Variants in PTCHD4 observed in about 807,000 individuals in gnomAD.
PTCHD4 encodes patched domain-containing protein 4.
A neutral mutation model predicts 58.1 loss-of-function variants in PTCHD4; 33 were observed. The ratio of observed to expected loss-of-function variants is 0.57; its 90% confidence interval spans 0.43 to 0.76. The LOEUF is 0.76. Ranked by LOEUF, PTCHD4 falls within the 30% of genes least tolerant of loss-of-function variation. The pLI, the probability that PTCHD4 is intolerant of heterozygous loss-of-function variation, is 0.00. For missense variants in PTCHD4, 1,058 were observed against 1,027.1 expected (o/e 1.03, Z -0.41); for synonymous variants, 478 against 409.6 (o/e 1.17, Z -2.02).
chr6:48,006,526 G>T (rs954732363), intron 4 of PTCHD4, among the ~76,000 whole-genome samples: 1 of 152,216 alleles, frequency 6.6e-6, no homozygotes, highest in South Asian at 2.1e-4. Flanking sequence ...TGTAAATCAT[G>T]CTGTATGGTT....
intron 4 of PTCHD4, among the ~76,000 whole-genome samples, chr6:47,959,068 C>T (rs1164956458): frequency 1.3e-5 from 2 of 151,954 alleles, no homozygotes; most frequent in African/African-American, 2.4e-5. Flanking sequence ...ATAAAAATTA[C>T]CAATTTTTAA....
intron 4 of PTCHD4, among the ~76,000 whole-genome samples, chr6:47,955,385 A>G (rs997278219): frequency 6.6e-6 from 1 of 152,208 alleles, no homozygotes; most frequent in Non-Finnish European, 1.5e-5. Flanking sequence ...AAGGCTCTCG[A>G]ATTATGAGTC....
At chr6:47,968,389 G>C (rs1421703759) in intron 4 of PTCHD4, among the ~76,000 whole-genome samples, 1 of 152,124 alleles carries the variant, frequency 6.6e-6, no homozygotes, top group Non-Finnish European at 1.5e-5. Context: ...ATAATTAAAA[G>C]TTTTGAAATA....
intron 4 of PTCHD4, among the ~76,000 whole-genome samples, chr6:48,000,688 G>A (rs910625127): frequency 3.3e-5 from 5 of 152,088 alleles, no homozygotes; most frequent in African/African-American, 1.2e-4. Context: ...ATCCCCATAT[G>A]CACTGAGTTA....
At chr6:47,894,651 A>T (rs1764479193) in intron 4 of PTCHD4, among the ~76,000 whole-genome samples, 1 of 152,282 alleles carries the variant, frequency 6.6e-6, no homozygotes, top group South Asian at 2.1e-4. Context: ...TTGGCTATAT[A>T]CTCACAGTAT....
rs570404839 is a variant in PTCHD4 at position 47,867,851 on chromosome 6, T to C, written c.*10452A>G. ...TATGAATAGTTTAGTGGTATTTTCTTCTGAGCCTAGCACAGAGACCAATAT... is the reference window on the plus strand; with the variant it reads ...TATGAATAGTTTAGTGGTATTTTCTCCTGAGCCTAGCACAGAGACCAATAT... On this transcript the variant is annotated 3_prime_UTR_variant, in exon 5 of 5. Transcript: ENST00000339488. 1.3e-5 allele frequency among the ~76,000 whole-genome samples: 2 copies of C among 151,874 alleles called. No individual in the cohort carries two copies. Among genetic ancestry groups the C allele is most frequent in the Admixed American group, 1.3e-4 (2 of 15,218 alleles).
chr6:48,049,588 A>T (rs113237187), intron 3 of PTCHD4, among the ~76,000 whole-genome samples: 34 of 151,970 alleles, frequency 2.2e-4, no homozygotes, highest in African/African-American at 7.7e-4. Context: ...GAATGAGCTC[A>T]AATCTCACTT....
At chr6:48,085,307 C>T (rs563495709) in intron 1 of PTCHD4, among the ~76,000 whole-genome samples, 11 of 152,268 alleles carry the variant, frequency 7.2e-5, no homozygotes, top group African/African-American at 2.4e-4. Context: ...TTATCACTAT[C>T]AGTTATAACA....
chr6:48,060,973 T>C lies in PTCHD4; in HGVS notation c.417+7257A>G, dbSNP rs537750838. On this transcript the variant is annotated intron_variant, in intron 3 of 4. Coordinates refer to ENST00000339488, the MANE Select transcript of PTCHD4 (RefSeq NM_001384253.1). ...CATCTCAATGACAGAAAATGAGACT[T>C]GATTTCAGTGAGAGGCTCTTCCATA... Among the ~76,000 whole-genome samples, 83 of 152,334 alleles carry C rather than the reference T, an allele frequency of 5.4e-4. No homozygotes were observed. The South Asian group carries it at 0.017, about 31-fold the overall frequency.
chr6:47,872,072 C>G lies in PTCHD4; in HGVS notation c.*6231G>C, dbSNP rs1763727299. On this transcript the variant is annotated 3_prime_UTR_variant, in exon 5 of 5. Transcript: ENST00000339488. ...CTCTATCAGTGTTGCTACCAACAACCAGTGAATTCATCAGATAAAATGATA... is the reference window on the plus strand; with the variant it reads ...CTCTATCAGTGTTGCTACCAACAACGAGTGAATTCATCAGATAAAATGATA... 6.6e-6 allele frequency among the ~76,000 whole-genome samples: 1 copy of G among 151,034 alleles called. No individual in the cohort carries two copies.
chr6:47,903,834 G>A (rs1030147547), intron 4 of PTCHD4, among the ~76,000 whole-genome samples: 1 of 152,196 alleles, frequency 6.6e-6, no homozygotes, highest in South Asian at 2.1e-4. Context: ...GCAGAACAGA[G>A]GGGTTAGAAG....
intron 4 of PTCHD4, among the ~76,000 whole-genome samples, chr6:47,976,522 C>T (rs1015315126): frequency 5.9e-5 from 9 of 151,966 alleles, no homozygotes; most frequent in African/African-American, 1.2e-4. Flanking sequence ...GGTGTGGTGG[C>T]GTGCACCTGT....
intron 4 of PTCHD4, among the ~76,000 whole-genome samples, chr6:47,939,291 A>T (rs1030925954): frequency 6.6e-6 from 1 of 152,156 alleles, no homozygotes; most frequent in Admixed American, 6.5e-5. Flanking sequence ...ATTTTAATTC[A>T]GTTGGTCTGG....
chr6:47,944,683 G>T (rs1189015598), intron 4 of PTCHD4, among the ~76,000 whole-genome samples: 2 of 152,044 alleles, frequency 1.3e-5, no homozygotes, highest in African/African-American at 4.8e-5. Context: ...TTATTCTTTA[G>T]GCTGCTGTAA....
chr6:47,991,543 C>A (rs955548348), intron 4 of PTCHD4, among the ~76,000 whole-genome samples: 7 of 152,036 alleles, frequency 4.6e-5, no homozygotes, highest in African/African-American at 1.7e-4. Flanking sequence ...AATTGTTAAA[C>A]AGCGGTAAAT....
chr6:48,039,169 A>C (rs1763753567), intron 3 of PTCHD4, among the ~76,000 whole-genome samples: 1 of 152,164 alleles, frequency 6.6e-6, no homozygotes, highest in Non-Finnish European at 1.5e-5. Flanking sequence ...ACTTTAGAGT[A>C]GATAAATTGT....
In PTCHD4 at chr6:47,872,319, A is replaced by T. The variant is rs974458023; in HGVS notation, c.*5984T>A. Among the ~76,000 whole-genome samples, 1 of 151,718 alleles carries T rather than the reference A, an allele frequency of 6.6e-6. No homozygotes were observed. The highest frequency in any genetic ancestry group is 2.4e-5 in the African/African-American group (1 of 41,392). On this transcript the variant is annotated 3_prime_UTR_variant, in exon 5 of 5. Transcript: ENST00000339488. ...ATTCTTCAATGCAGTCTTCCAAAGC[A>T]TTAGAATTTTTTTCCCCCTCTGGTT...
chr6:48,096,499 C>A (rs564507664), intron 1 of PTCHD4, among the ~76,000 whole-genome samples: 10 of 151,860 alleles, frequency 6.6e-5, no homozygotes, highest in Non-Finnish European at 1.2e-4. Context: ...GTAATCCCAG[C>A]TACTCAGGAG....
At position 47,973,725 on chromosome 6, in the gene PTCHD4, T is replaced by G. The variant is rs183407516; in HGVS notation, c.898+34909A>C. Among the ~76,000 whole-genome samples the G allele has an allele frequency of 2.6e-5, 4 of 152,328 alleles. No individual in the cohort carries two copies. In the East Asian group the frequency reaches 7.7e-4, roughly 29 times the overall value. ...TAGTGGTTAACTGCAGCCAGTACTG[T>G]TGCCAACGATGAAGACCAACCTTGG... is the stretch of plus-strand genomic sequence containing the variant. On this transcript the variant is annotated intron_variant, in intron 4 of 4. Coordinates refer to ENST00000339488, the MANE Select transcript of PTCHD4 (RefSeq NM_001384253.1).
Sources: gnomAD v4.1 joint callset for allele counts (sites outside exome capture counted in the v4.1 genomes callset) on GRCh38, gnomAD v4.1.1 for gene constraint, MANE v1.5 for transcripts, NCBI Gene and HGNC (gene_info 2026-07-23, HGNC 2026-07-21) for gene names.